Variants in NUP210 observed in about 807,000 individuals in gnomAD.
The protein encoded by NUP210 is nucleoporin 210.
A neutral mutation model predicts 196.0 loss-of-function variants in NUP210; 151 were observed. That is an observed-to-expected ratio of 0.77 (90% CI 0.67 to 0.88). The LOEUF (loss-of-function observed/expected upper bound fraction) is 0.88. Among genes scored for constraint, NUP210 ranks in the 40% least tolerant of loss-of-function variants. The probability of loss-of-function intolerance (pLI) is 0.00; values close to 1 mark genes in which losing one functional copy is unlikely to be tolerated. For missense variants in NUP210, 2,314 were observed against 2,493.7 expected (o/e 0.93, Z 1.53); for synonymous variants, 1,070 against 1,052.7 (o/e 1.02, Z -0.32).
intron 20 of NUP210, among the ~76,000 whole-genome samples, chr3:13,343,951 T>C (rs1167393150): frequency 6.6e-6 from 1 of 152,200 alleles, no homozygotes; most frequent in Admixed American, 6.5e-5. Flanking sequence ...TAGCTCTGTG[T>C]GAAGCAGTGA....
In NUP210 at chr3:13,319,535, T is replaced by C. The variant is rs569019560; in HGVS notation, c.5384-210A>G. Reference sequence around the variant, plus strand: ...CACTTCTTCTCCTGGCGCAGGCTGCTGAGCAGAGGGGCACAGCCCCTGTGG... The same window carrying C: ...CACTTCTTCTCCTGGCGCAGGCTGCCGAGCAGAGGGGCACAGCCCCTGTGG... On this transcript the variant is annotated intron_variant, in intron 37 of 39. Transcript: ENST00000254508. Among the ~76,000 whole-genome samples, 4 of 107,108 alleles carry C rather than the reference T, an allele frequency of 3.7e-5. No homozygotes were observed. The East Asian group carries it at 1.5e-3, about 41-fold the overall frequency. The allele number at this position is 107,108 out of a possible 152,430, so 70.3% of individuals were successfully genotyped here.
At chr3:13,336,312 T>G (rs539178476) in intron 27 of NUP210, among the ~76,000 whole-genome samples, 1 of 152,308 alleles carries the variant, frequency 6.6e-6, no homozygotes, top group African/African-American at 2.4e-5. Context: ...CCCACTGGCT[T>G]GCTGGGCAAC....
In NUP210 at chr3:13,337,930, G is replaced by C; in HGVS notation, c.3472-13C>G. The C allele has an allele frequency of 6.2e-7, 1 of 1,611,338 alleles. No homozygotes were observed. Among genetic ancestry groups the C allele is most frequent in the Admixed American group, 1.7e-5 (1 of 59,870 alleles). On this transcript the variant is annotated splice_polypyrimidine_tract_variant and intron_variant, in intron 25 of 39. Coordinates refer to ENST00000254508, the MANE Select transcript of NUP210 (RefSeq NM_024923.4). Reference sequence around the variant, plus strand: ...CCTGCACGAGGTCCTGGGGAAACAGGGTGGCACTTAGGTGTGGGGATGCAG... The same window carrying C: ...CCTGCACGAGGTCCTGGGGAAACAGCGTGGCACTTAGGTGTGGGGATGCAG...
chr3:13,416,340 C>T (rs1004467486), intron 1 of NUP210, among the ~76,000 whole-genome samples: 1 of 152,166 alleles, frequency 6.6e-6, no homozygotes, highest in Non-Finnish European at 1.5e-5. Context: ...CCCCTCCCCA[C>T]CTCAGCCAGG....
In NUP210 at chr3:13,350,740, C is replaced by G. The variant is rs1276064431; in HGVS notation, c.2835+1139G>C. On this transcript the variant is annotated intron_variant, in intron 20 of 39. Coordinates refer to ENST00000254508, the MANE Select transcript of NUP210 (RefSeq NM_024923.4). This position sits in a 1 kb window ranked among gnomAD's most constrained non-coding sequence, Gnocchi z 4.1. ...ATGGAGTCTCGCCCCGTCGCCCAGG[C>G]TGGAGTGCAGTGGCGCAATCTTGGC... 3.4e-5 allele frequency among the ~76,000 whole-genome samples: 5 copies of G among 147,908 alleles called. No homozygotes were observed. The highest frequency in any genetic ancestry group is 1.3e-4 in the African/African-American group (5 of 39,786).
chr3:13,403,451 A>G (rs189828911), intron 1 of NUP210, among the ~76,000 whole-genome samples: 2 of 152,264 alleles, frequency 1.3e-5, no homozygotes, highest in Admixed American at 6.5e-5. Flanking sequence ...TCACCTCCCA[A>G]AGGTGCTACC....
At position 13,350,866 on chromosome 3, in the gene NUP210, T is replaced by C. The variant is rs1697948390; in HGVS notation, c.2835+1013A>G. On this transcript the variant is annotated intron_variant, in intron 20 of 39. Coordinates refer to ENST00000254508, the MANE Select transcript of NUP210 (RefSeq NM_024923.4). The surrounding 1 kb of genome is among the most constrained non-coding windows in gnomAD (Gnocchi z 4.1). ...CGCCACTACGCCTGGCTAATTTTTT[T>C]TTTTTGTATATTTAGTAGAGACAGG... Among the ~76,000 whole-genome samples, 1 of 151,884 alleles carries C rather than the reference T, an allele frequency of 6.6e-6. No individual in the cohort carries two copies. The highest frequency in any genetic ancestry group is 2.4e-5 in the African/African-American group (1 of 41,358).
chr3:13,416,133 T>C (rs540477667), intron 1 of NUP210, among the ~76,000 whole-genome samples: 30 of 152,240 alleles, frequency 2.0e-4, no homozygotes, highest in African/African-American at 7.2e-4. Flanking sequence ...TCCTTACACC[T>C]GTGACTGAGA....
In NUP210 at chr3:13,340,436, C is replaced by T. The variant is rs1697428060; in HGVS notation, c.3229-138G>A. 5.3e-6 allele frequency: 4 copies of T among 761,332 alleles called. No homozygotes were observed. Among genetic ancestry groups the T allele is most frequent in the African/African-American group, 1.7e-5 (1 of 57,712 alleles). 47.2% of individuals were successfully genotyped at this position (761,332 alleles called of 1,614,324 possible). Reference sequence around the variant, plus strand: ...TCTCTCTGAGCAGTGACCAGAGGGCCCAGGGTCCTGGGCCAATGCTGGGGG... The same window carrying T: ...TCTCTCTGAGCAGTGACCAGAGGGCTCAGGGTCCTGGGCCAATGCTGGGGG... On this transcript the variant is annotated intron_variant, in intron 23 of 39. Transcript: ENST00000254508. This position sits in a 1 kb window ranked among gnomAD's most constrained non-coding sequence, Gnocchi z 4.0.
intron 1 of NUP210, among the ~76,000 whole-genome samples, chr3:13,414,770 A>G (rs1040986391): frequency 1.3e-5 from 2 of 152,152 alleles, no homozygotes; most frequent in African/African-American, 2.4e-5. Flanking sequence ...AACACATTCC[A>G]TGCCTTGCAG....
chr3:13,340,346 G>T lies in NUP210; in HGVS notation c.3229-48C>A, dbSNP rs1391563439. 2 of 1,541,588 alleles carry T rather than the reference G, an allele frequency of 1.3e-6. No individual in the cohort carries two copies. The highest frequency in any genetic ancestry group is 1.8e-6 in the Non-Finnish European group (2 of 1,115,574). On this transcript the variant is annotated intron_variant, in intron 23 of 39. Coordinates refer to ENST00000254508, the MANE Select transcript of NUP210 (RefSeq NM_024923.4). This position sits in a 1 kb window ranked among gnomAD's most constrained non-coding sequence, Gnocchi z 4.0. ...AAGGACTACTGTGCCCCAAGCCCAT[G>T]GCGCCAAGCATAACTCACACACTAC...
Position 13,406,857 on chromosome 3 carries a change from C to T in NUP210, c.168-6996G>A, listed in dbSNP as rs577841591. Among the ~76,000 whole-genome samples, 15 of 150,612 alleles carry T rather than the reference C, an allele frequency of 1.0e-4. No individual in the cohort carries two copies. In the East Asian group the frequency reaches 2.4e-3, roughly 24 times the overall value. ...GCCCCAACCCCCCCCACCCCCCACA[C>T]GGCACACATGGCAGGTTTCATAGTC... On this transcript the variant is annotated intron_variant, in intron 1 of 39. Coordinates refer to ENST00000254508, the MANE Select transcript of NUP210 (RefSeq NM_024923.4).
At chr3:13,356,293 T>C (rs1006550924) in intron 16 of NUP210, among the ~76,000 whole-genome samples, 1 of 152,192 alleles carries the variant, frequency 6.6e-6, no homozygotes, top group Non-Finnish European at 1.5e-5. Context: ...TTGGAGAGTA[T>C]AAAATTACCT....
chr3:13,342,301 G>T (rs920687948), intron 21 of NUP210, among the ~76,000 whole-genome samples, 178 bp from the exon 22 acceptor site: 2 of 152,136 alleles, frequency 1.3e-5, no homozygotes, highest in African/African-American at 4.8e-5. Flanking sequence ...AAATCGATGA[G>T]GGGGAGCTTG....
At chr3:13,353,013 C>T (rs991142952) in intron 18 of NUP210, among the ~76,000 whole-genome samples, 7 of 152,018 alleles carry the variant, frequency 4.6e-5, no homozygotes, top group South Asian at 2.1e-4. Context: ...GAGGCCGTGA[C>T]GCCCCCTCAC....
rs1336297361 is a variant in NUP210 at position 13,332,398 on chromosome 3, C to T, written c.3844-14G>A. 6.2e-7 allele frequency: 1 copy of T among 1,603,844 alleles called. No homozygotes were observed. Among genetic ancestry groups the T allele is most frequent in the South Asian group, 1.1e-5 (1 of 90,906 alleles). The stretch of plus-strand genomic sequence containing the variant: ...CTTCTCAAACACCTGCAAGAGAGGG[C>T]AAGTTTCACTTCCGATGGGGCACTG... On this transcript the variant is annotated splice_polypyrimidine_tract_variant and intron_variant, in intron 28 of 39. Transcript: ENST00000254508.
chr3:13,318,490 G>A (rs1696366218), intron 39 of NUP210, among the ~76,000 whole-genome samples: 1 of 152,178 alleles, frequency 6.6e-6, no homozygotes, highest in Non-Finnish European at 1.5e-5. Flanking sequence ...AGGACTCTTT[G>A]TGTAGGGGAG....
rs775640338 is a variant in NUP210, at chr3:13,340,217, G to A, written c.3291+19C>T. 1.1e-5 allele frequency: 18 copies of A among 1,613,124 alleles called. No homozygotes were observed. The highest frequency in any genetic ancestry group is 8.9e-5 in the East Asian group (4 of 44,890). The stretch of plus-strand genomic sequence containing the variant: ...GCCTGCACTGGGGCTGGAGCAGGAC[G>A]TGGCCTCTTGGCTCTCACCTGCATC... On this transcript the variant is annotated intron_variant, in intron 24 of 39. Transcript: ENST00000254508. The surrounding 1 kb of genome is among the most constrained non-coding windows in gnomAD (Gnocchi z 4.0).
At chr3:13,366,321 G>A (rs980318037) in intron 13 of NUP210, among the ~76,000 whole-genome samples, 24 of 151,718 alleles carry the variant, frequency 1.6e-4, no homozygotes, top group African/African-American at 4.8e-4. Context: ...TAATAGAGAC[G>A]GGGTTTCATC....
Sources: gnomAD v4.1 joint callset for allele counts (sites outside exome capture counted in the v4.1 genomes callset) on GRCh38, gnomAD v4.1.1 for gene constraint, Gnocchi (gnomAD v3.1) non-coding constraint, MANE v1.5 for transcripts, NCBI Gene and HGNC (gene_info 2026-07-23, HGNC 2026-07-21) for gene names.